The following NTRK3 variants were observed in gnomAD, a reference collection of about 807,000 sequenced individuals.
NTRK3 encodes NT-3 growth factor receptor.
Under a neutral mutation model 91.7 loss-of-function variants are expected in NTRK3, and 24 were observed. The ratio of observed to expected loss-of-function variants is 0.26; its 90% CI spans 0.19 to 0.37. The LOEUF is 0.37. NTRK3 is among the 10% of genes least tolerant of loss of function. The probability of loss-of-function intolerance (pLI) is 1.00; values close to 1 mark genes in which losing one functional copy is unlikely to be tolerated. For missense variants in NTRK3, 880 were observed against 1,068.9 expected (o/e 0.82, Z 2.46); for synonymous variants, 483 against 404.0 (o/e 1.20, Z -2.34).
intron 3 of NTRK3, among the ~76,000 whole-genome samples, chr15:88,213,422 C>A (rs1008553152): frequency 7.9e-5 from 12 of 152,162 alleles, no homozygotes; most frequent in African/African-American, 2.4e-4. Context: ...GGACAAGCTG[C>A]CCACACGTGT....
intron 17 of NTRK3, among the ~76,000 whole-genome samples, chr15:87,922,218 C>A (rs1158760716): frequency 1.3e-5 from 2 of 152,224 alleles, no homozygotes; most frequent in African/African-American, 4.8e-5. Flanking sequence ...ACTTGACTTT[C>A]ATCTGAGAGT....
At chr15:88,219,765 G>A (rs965419161) in intron 3 of NTRK3, among the ~76,000 whole-genome samples, 6 of 152,222 alleles carry the variant, frequency 3.9e-5, no homozygotes, top group Non-Finnish European at 5.9e-5. Flanking sequence ...CACGCACTGA[G>A]CACTTCTGAG....
At chr15:87,977,533 AAT>A (rs1465811194) in intron 14 of NTRK3, 1 of 228,968 alleles carries the variant, frequency 4.4e-6, no homozygotes, top group African/African-American at 2.2e-5. Context: ...AATGATTTAC[AAT>A]AATTAAAAAA....
At chr15:88,229,255 G>A (rs546938999) in intron 3 of NTRK3, among the ~76,000 whole-genome samples, 84 of 152,128 alleles carry the variant, frequency 5.5e-4, no homozygotes, top group Non-Finnish European at 1.2e-3. Flanking sequence ...AACCACCCTG[G>A]GGGATGAGGT....
In NTRK3 at chr15:88,237,640, G is replaced by A. The variant is rs112833502; in HGVS notation, c.248+18266C>T. On this transcript the variant is annotated intron_variant, in intron 3 of 18. Coordinates refer to ENST00000394480, the Ensembl canonical transcript of NTRK3. The surrounding 1 kb of genome is among the most constrained non-coding windows in gnomAD (Gnocchi z 4.0). Reference sequence around the variant, plus strand: ...CTTCTCAGATGTTGCACTTGCTTGCGTGTGTCCTTCCCTTTATCCACCTCT... The same window carrying A: ...CTTCTCAGATGTTGCACTTGCTTGCATGTGTCCTTCCCTTTATCCACCTCT... 3.1e-3 allele frequency among the ~76,000 whole-genome samples: 478 copies of A among 152,244 alleles called. No homozygotes were observed. Among genetic ancestry groups the A allele is most frequent in the African/African-American group, 0.01 (420 of 41,544 alleles).
rs770668339 is a variant in NTRK3 at position 88,002,168 on chromosome 15, GTTTTTTTTTT to G, written c.1585+30679_1585+30688del. 4.4e-3 allele frequency among the ~76,000 whole-genome samples: 307 copies of G among 70,184 alleles called. 9 individuals carry two copies. Among genetic ancestry groups the G allele is most frequent in the East Asian group, 5.0e-3 (11 of 2,198 alleles). The allele number at this position is 70,184 out of a possible 152,430, so 46.0% of individuals were successfully genotyped here. On this transcript the variant is annotated intron_variant, in intron 14 of 18. Coordinates refer to ENST00000394480, the Ensembl canonical transcript of NTRK3. ...TTTCTCTCTCTGAAGGATAGTGGTT[GTTTTTTTTTT>G]TTTTTTTTTTTTTTTTTCCAAACTG...
chr15:87,876,717 AT>A, exon 19 of NTRK3: 1 of 129,710 alleles, frequency 7.7e-6, no homozygotes, highest in Non-Finnish European at 1.7e-5. Context: ...AGATATATAA[AT>A]ATATATATAT....
At chr15:88,147,048 G>C (rs1006573316) in intron 6 of NTRK3, among the ~76,000 whole-genome samples, 1 of 151,976 alleles carries the variant, frequency 6.6e-6, no homozygotes, top group African/African-American at 2.4e-5. Flanking sequence ...TTTATTATAA[G>C]TATTTATACT....
intron 16 of NTRK3, 119 bp from the exon 17 acceptor site, chr15:87,929,553 C>T (rs925797686): frequency 6.8e-5 from 89 of 1,311,542 alleles, no homozygotes; most frequent in Non-Finnish European, 7.3e-5. Context: ...TTTCCCTTTC[C>T]ATCCTGCCTA....
At chr15:88,147,875 C>T (rs2043026954) in intron 5 of NTRK3, among the ~76,000 whole-genome samples, 1 of 152,170 alleles carries the variant, frequency 6.6e-6, no homozygotes, top group Non-Finnish European at 1.5e-5. Context: ...CACCAATGAT[C>T]AAGACATCAG....
At chr15:87,894,206 T>A (rs1484493443) in intron 17 of NTRK3, among the ~76,000 whole-genome samples, 1 of 152,222 alleles carries the variant, frequency 6.6e-6, no homozygotes, top group Non-Finnish European at 1.5e-5. Context: ...CTGTTCCACC[T>A]TGCTTGGCTG....
chr15:88,010,540 CT>C (rs200052036), intron 14 of NTRK3, among the ~76,000 whole-genome samples: 13 of 150,568 alleles, frequency 8.6e-5, no homozygotes, highest in Admixed American at 5.3e-4. Flanking sequence ...TGAAACTATG[CT>C]TTTTTTTTGG....
At chr15:88,058,955 G>T (rs1039260313) in intron 13 of NTRK3, among the ~76,000 whole-genome samples, 1 of 152,082 alleles carries the variant, frequency 6.6e-6, no homozygotes, top group Non-Finnish European at 1.5e-5. Context: ...CAGAGATTTA[G>T]ATGTTCACCA....
intron 6 of NTRK3, among the ~76,000 whole-genome samples, chr15:88,146,421 G>C (rs1011060246): frequency 2.0e-5 from 3 of 152,200 alleles, no homozygotes; most frequent in African/African-American, 7.2e-5. Flanking sequence ...GCGTCACCAA[G>C]TAAGAGGGAA....
chr15:88,221,543 A>G (rs2050235829), intron 3 of NTRK3, among the ~76,000 whole-genome samples: 1 of 152,154 alleles, frequency 6.6e-6, no homozygotes, highest in South Asian at 2.1e-4. Context: ...TGTAATCCCA[A>G]CACCTGGGAG....
intron 13 of NTRK3, among the ~76,000 whole-genome samples, chr15:88,040,576 T>C (rs2079513260): frequency 6.6e-6 from 1 of 152,230 alleles, no homozygotes; most frequent in South Asian, 2.1e-4. Context: ...AATGCCCTAC[T>C]GTTGGCTCTA....
At chr15:88,124,082 T>A (rs2053028309) in intron 13 of NTRK3, among the ~76,000 whole-genome samples, 1 of 152,202 alleles carries the variant, frequency 6.6e-6, no homozygotes, top group Non-Finnish European at 1.5e-5. Flanking sequence ...TGTTTTGCAC[T>A]TATTTATCCT....
intron 14 of NTRK3, among the ~76,000 whole-genome samples, chr15:87,985,219 T>C (rs970457089): frequency 6.6e-6 from 1 of 152,200 alleles, no homozygotes; most frequent in Non-Finnish European, 1.5e-5. Flanking sequence ...CAGGACACCA[T>C]GCTGAAGCAT....
intron 13 of NTRK3, among the ~76,000 whole-genome samples, chr15:88,095,798 G>C (rs149574573): frequency 3.9e-5 from 6 of 152,208 alleles, no homozygotes; most frequent in African/African-American, 7.2e-5. Flanking sequence ...GCCACAAGAA[G>C]TTGCAAAAAT....
Sources: allele counts gnomAD v4.1 joint callset (sites outside exome capture counted in the v4.1 genomes callset), GRCh38; gene constraint gnomAD v4.1.1; non-coding constraint Gnocchi (gnomAD v3.1); transcripts MANE v1.5; gene names NCBI Gene and HGNC (gene_info 2026-07-23, HGNC 2026-07-21).